Variants in MAST2 observed in about 807,000 individuals in gnomAD.
MAST2 encodes the protein microtubule associated serine/threonine kinase 2.
MAST2 carries 70 observed loss-of-function variants against 147.4 expected under a neutral mutation model. That is an observed-to-expected ratio of 0.47 (90% CI 0.39 to 0.58). The LOEUF is 0.58. Ranked by LOEUF, MAST2 falls within the 20% of genes least tolerant of loss-of-function variation. The pLI is 0.00. For missense variants in MAST2, 2,080 were observed against 2,302.3 expected (o/e 0.90, Z 1.98); for synonymous variants, 869 against 896.8 (o/e 0.97, Z 0.55).
intron 4 of MAST2, among the ~76,000 whole-genome samples, chr1:45,941,367 C>T (rs1657241077): frequency 6.6e-6 from 1 of 152,132 alleles, no homozygotes; most frequent in Admixed American, 6.5e-5. Context: ...TCAGGTGATT[C>T]TCCTTCCTCA....
intron 15 of MAST2, among the ~76,000 whole-genome samples, chr1:46,025,135 A>C (rs1286262546): frequency 6.6e-6 from 1 of 152,138 alleles, no homozygotes; most frequent in Non-Finnish European, 1.5e-5. Context: ...CCTGACCAAC[A>C]TGGCGAAACC....
At chr1:45,868,820 A>T (rs1646265543) in intron 3 of MAST2, among the ~76,000 whole-genome samples, 1 of 152,214 alleles carries the variant, frequency 6.6e-6, no homozygotes, top group Admixed American at 6.5e-5. Context: ...ATTTCATTTT[A>T]AAAAGGCTGA....
intron 4 of MAST2, among the ~76,000 whole-genome samples, chr1:45,906,845 C>T (rs570960550): frequency 6.6e-6 from 1 of 152,112 alleles, no homozygotes; most frequent in South Asian, 2.1e-4. Flanking sequence ...TCTAGTCATG[C>T]AAACCCCACT....
At chr1:45,970,941 T>TA (rs1206314550) in intron 5 of MAST2, among the ~76,000 whole-genome samples, 2 of 152,154 alleles carry the variant, frequency 1.3e-5, no homozygotes, top group African/African-American at 4.8e-5. Flanking sequence ...TTTCATTGTA[T>TA]AACTGTACCA....
At chr1:45,814,313 C>G (rs1400236644) in intron 1 of MAST2, among the ~76,000 whole-genome samples, 1 of 152,146 alleles carries the variant, frequency 6.6e-6, no homozygotes, top group Non-Finnish European at 1.5e-5. Context: ...CTCCATGTCA[C>G]CTCCATTATT....
chr1:45,885,374 C>G (rs141514608), intron 4 of MAST2, among the ~76,000 whole-genome samples: 14 of 152,182 alleles, frequency 9.2e-5, no homozygotes, highest in African/African-American at 3.4e-4. Context: ...TTTGAGAGAG[C>G]GTTTTTGTTA....
intron 3 of MAST2, among the ~76,000 whole-genome samples, chr1:45,878,988 G>T (rs1470162204): frequency 4.7e-5 from 7 of 149,818 alleles, no homozygotes; most frequent in Non-Finnish European, 7.4e-5. Context: ...CGAAATGCAA[G>T]AATCTAGAAT....
At chr1:45,979,914 A>G (rs952855946) in intron 5 of MAST2, among the ~76,000 whole-genome samples, 3 of 152,242 alleles carry the variant, frequency 2.0e-5, no homozygotes, top group African/African-American at 7.2e-5. Context: ...TAAGTTAATT[A>G]AGGCAGGAAC....
chr1:45,941,681 G>GTTTTTTT lies in MAST2; in HGVS notation c.501-17704_501-17698dup, dbSNP rs1557940703. 1.9e-3 allele frequency among the ~76,000 whole-genome samples: 51 copies of GTTTTTTT among 27,206 alleles called. No homozygotes were observed. The East Asian group carries it at 0.13, about 69-fold the overall frequency. 17.8% of individuals were successfully genotyped at this position (27,206 alleles called of 152,430 possible). On this transcript the variant is annotated intron_variant, in intron 4 of 28. Transcript: ENST00000361297. ...ATTTGTTTATTCCTATTTGTTTTTT[G>GTTTTTTT]TTTTTTTATTTGTTTATTCCTTATT...
intron 3 of MAST2, among the ~76,000 whole-genome samples, chr1:45,842,819 A>G (rs1425647514): frequency 6.6e-6 from 1 of 152,232 alleles, no homozygotes; most frequent in Non-Finnish European, 1.5e-5. Flanking sequence ...GTGGAATCAC[A>G]AAGAAATACG....
Position 45,939,980 on chromosome 1 carries a change from G to GT in MAST2, c.501-19385dup, listed in dbSNP as rs1174123217. Among the ~76,000 whole-genome samples the GT allele has an allele frequency of 1.1e-3, 104 of 97,330 alleles. 4 individuals carry two copies. Among genetic ancestry groups the GT allele is most frequent in the African/African-American group, 3.8e-3 (97 of 25,558 alleles). The allele number at this position is 97,330 out of a possible 152,430, so 63.9% of individuals were successfully genotyped here. On this transcript the variant is annotated intron_variant, in intron 4 of 28. Coordinates refer to ENST00000361297, the MANE Select transcript of MAST2 (RefSeq NM_015112.3). ...AACGGAAGTTCTCTATTTATTTAGG[G>GT]TTTTTTTTTTTTTTTTTTTTTGAGA...
chr1:45,972,933 C>T (rs1003307982), intron 5 of MAST2, among the ~76,000 whole-genome samples: 1 of 152,172 alleles, frequency 6.6e-6, no homozygotes, highest in African/African-American at 2.4e-5. Context: ...CTCATAATCT[C>T]AAAGCATTGG....
chr1:45,842,865 T>C (rs1399926761), intron 3 of MAST2, among the ~76,000 whole-genome samples: 1 of 152,170 alleles, frequency 6.6e-6, no homozygotes, highest in Non-Finnish European at 1.5e-5. Flanking sequence ...CAAACTGTTT[T>C]CTGTAATAGC....
intron 3 of MAST2, among the ~76,000 whole-genome samples, chr1:45,869,054 C>A (rs1347322017): frequency 2.0e-5 from 3 of 152,138 alleles, no homozygotes; most frequent in Non-Finnish European, 2.9e-5. Context: ...TATTCCTATT[C>A]TATGTTGCAG....
chr1:45,920,020 CTTTG>C (rs1173135471), intron 4 of MAST2, among the ~76,000 whole-genome samples: 2 of 152,044 alleles, frequency 1.3e-5, no homozygotes, highest in Non-Finnish European at 2.9e-5. Context: ...TACTTTCAGG[CTTTG>C]TTTGGTGAGA....
At chr1:45,840,798 C>A (rs1277778736) in intron 3 of MAST2, among the ~76,000 whole-genome samples, 1 of 152,164 alleles carries the variant, frequency 6.6e-6, no homozygotes, top group Non-Finnish European at 1.5e-5. Flanking sequence ...CTGAATATTG[C>A]CAAAGCATGT....
intron 26 of MAST2, 21 bp from the exon 27 acceptor site, chr1:46,033,781 G>A (rs767434198): frequency 3.1e-6 from 5 of 1,612,824 alleles, no homozygotes; most frequent in African/African-American, 2.7e-5. Context: ...CTTAGCCTAG[G>A]CCTCATGCTC....
intron 4 of MAST2, among the ~76,000 whole-genome samples, chr1:45,888,654 G>A (rs1209212204): frequency 1.8e-5 from 2 of 108,562 alleles, no homozygotes; most frequent in East Asian, 2.7e-4. Flanking sequence ...GAGCCACCGC[G>A]CGCGGCCTCT....
chr1:45,956,405 T>C (rs956607006), intron 4 of MAST2, among the ~76,000 whole-genome samples: 1 of 152,194 alleles, frequency 6.6e-6, no homozygotes, highest in Admixed American at 6.5e-5. Flanking sequence ...CAGCTATTCA[T>C]GGAAATTTGT....
Sources: gnomAD v4.1 joint callset for allele counts (sites outside exome capture counted in the v4.1 genomes callset) on GRCh38, gnomAD v4.1.1 for gene constraint, MANE v1.5 for transcripts, NCBI Gene and HGNC (gene_info 2026-07-23, HGNC 2026-07-21) for gene names.